CEP85L: variants seen among roughly 807,000 people sequenced by gnomAD.
The protein encoded by CEP85L is centrosomal protein of 85 kDa-like.
In CEP85L, 60 loss-of-function variants were observed where a neutral mutation model predicts 100.3. The observed-to-expected ratio is 0.60, with a 90% CI of 0.49 to 0.74. CEP85L has a LOEUF of 0.74. Among genes scored for constraint, CEP85L ranks in the 30% least tolerant of loss-of-function variants. CEP85L has a pLI of 0.00. For synonymous variants in CEP85L, 319 were observed against 322.7 expected (o/e 0.99, Z 0.12); for missense variants, 973 against 936.2 (o/e 1.04, Z -0.51).
chr6:118,693,783 G>A (rs2114325722), intron 1 of CEP85L, among the ~76,000 whole-genome samples: 1 of 152,340 alleles, frequency 6.6e-6, no homozygotes. Flanking sequence ...TACTGTAGAT[G>A]TGGCTGGCCA....
At chr6:118,511,466 T>G (rs200881212) in intron 4 of CEP85L, 51 bp from the exon 5 acceptor site, 27 of 1,174,366 alleles carry the variant, frequency 2.3e-5, no homozygotes, top group Non-Finnish European at 2.8e-5. Flanking sequence ...TTCTAATAGT[T>G]AGAAGAACCT....
intron 2 of CEP85L, among the ~76,000 whole-genome samples, chr6:118,605,321 A>C (rs1772117717): frequency 6.6e-6 from 1 of 152,212 alleles, no homozygotes; most frequent in Admixed American, 6.5e-5. Context: ...CCTTCATGGA[A>C]GTCTCATCTC....
chr6:118,705,241 C>T (rs189185476), intron 1 of CEP85L, among the ~76,000 whole-genome samples: 2 of 152,200 alleles, frequency 1.3e-5, no homozygotes, highest in Non-Finnish European at 2.9e-5. Flanking sequence ...TCTCTTCATG[C>T]AGCAGAGATG....
At chr6:118,563,669 T>G (rs1249956545) in intron 3 of CEP85L, among the ~76,000 whole-genome samples, 1 of 152,190 alleles carries the variant, frequency 6.6e-6, no homozygotes, top group Admixed American at 6.5e-5. Flanking sequence ...CAGGCTAGTC[T>G]CAAACTCCTG....
intron 2 of CEP85L, among the ~76,000 whole-genome samples, chr6:118,570,364 T>C (rs1210690682): frequency 6.6e-6 from 1 of 152,200 alleles, no homozygotes; most frequent in Non-Finnish European, 1.5e-5. Flanking sequence ...TCACTTTCCA[T>C]ATCACAGCGG....
Position 118,465,176 on chromosome 6 carries a change from C to T in CEP85L, c.*229G>A. The T allele has an allele frequency of 2.2e-6, 1 of 451,614 alleles. No homozygotes were observed. Among genetic ancestry groups the T allele is most frequent in the African/African-American group, 2.0e-5 (1 of 49,718 alleles). 28.0% of individuals were successfully genotyped at this position (451,614 alleles called of 1,614,324 possible). A position where few individuals can be genotyped will look rare whatever the true frequency, so the allele number is the denominator to read the frequency against. ...GTTTGAGAATATAGACATTTTTTTC[C>T]TTGTAGATTTTATCATATTTTCCAA... On this transcript the variant is annotated 3_prime_UTR_variant, in exon 13 of 13. Coordinates refer to ENST00000368491, the MANE Select transcript of CEP85L (RefSeq NM_001042475.3).
chr6:118,631,866 G>C (rs905766358), intron 2 of CEP85L, among the ~76,000 whole-genome samples: 9 of 152,214 alleles, frequency 5.9e-5, no homozygotes, highest in African/African-American at 1.9e-4. Context: ...CTGAATCTCA[G>C]CTCTATCAAT....
intron 10 of CEP85L, among the ~76,000 whole-genome samples, chr6:118,471,819 T>C (rs963585958): frequency 3.3e-5 from 5 of 151,488 alleles, no homozygotes; most frequent in African/African-American, 7.3e-5. Flanking sequence ...ACGTGTATTA[T>C]TGAAAACTGA....
At chr6:118,519,032 C>A (rs539865144) in intron 4 of CEP85L, among the ~76,000 whole-genome samples, 2 of 152,062 alleles carry the variant, frequency 1.3e-5, no homozygotes, top group Admixed American at 1.3e-4. Context: ...TCCATGCAGT[C>A]GTGTGGTTTT....
At chr6:118,593,479 G>C (rs994797483) in intron 2 of CEP85L, among the ~76,000 whole-genome samples, 6 of 151,890 alleles carry the variant, frequency 4.0e-5, no homozygotes, top group African/African-American at 1.5e-4. Context: ...AAGAGAGAGA[G>C]GAGAGAGGTG....
chr6:118,630,056 C>T lies in CEP85L; in HGVS notation c.232+2397G>A, dbSNP rs1366421464. ...GGTTCTGGCCAGTCACCTGAGGATGCAGTTTATGGACTTCTTCCCTACATT... is the reference window on the plus strand; with the variant it reads ...GGTTCTGGCCAGTCACCTGAGGATGTAGTTTATGGACTTCTTCCCTACATT... On this transcript the variant is annotated intron_variant, in intron 2 of 12. Coordinates refer to ENST00000368491, the MANE Select transcript of CEP85L (RefSeq NM_001042475.3). Among the ~76,000 whole-genome samples the T allele has an allele frequency of 3.3e-5, 5 of 152,172 alleles. No homozygotes were observed. In the East Asian group the frequency reaches 9.6e-4, roughly 29 times the overall value.
At chr6:118,543,756 G>A (rs1408694090) in intron 3 of CEP85L, among the ~76,000 whole-genome samples, 1 of 152,208 alleles carries the variant, frequency 6.6e-6, no homozygotes, top group East Asian at 1.9e-4. Flanking sequence ...CAGGAACGAT[G>A]TTTTATGTAA....
At chr6:118,565,371 A>G (rs1432774155) in intron 3 of CEP85L, 158 bp downstream of exon 3, 4 of 697,314 alleles carry the variant, frequency 5.7e-6, no homozygotes, top group South Asian at 2.0e-5. Flanking sequence ...CAAGTTTATC[A>G]ACAACACTTT....
intron 1 of CEP85L, among the ~76,000 whole-genome samples, chr6:118,681,791 C>T (rs1776669977): frequency 6.8e-6 from 1 of 147,822 alleles, no homozygotes; most frequent in Admixed American, 6.8e-5. Context: ...GCTCTGTTGC[C>T]CAGGCTGGAG....
intron 2 of CEP85L, among the ~76,000 whole-genome samples, chr6:118,603,812 A>G (rs1266527961): frequency 6.6e-6 from 1 of 152,226 alleles, no homozygotes; most frequent in Non-Finnish European, 1.5e-5. Flanking sequence ...AATACCTGCT[A>G]GAGTTCTATA....
intron 4 of CEP85L, among the ~76,000 whole-genome samples, chr6:118,521,001 A>ATAATCC (rs1776633513): frequency 6.6e-6 from 1 of 152,202 alleles, no homozygotes; most frequent in Admixed American, 6.5e-5. Context: ...CCTCCTATGA[A>ATAATCC]AGTTATACGC....
At chr6:118,529,243 C>T (rs1777144408) in intron 3 of CEP85L, among the ~76,000 whole-genome samples, 1 of 152,112 alleles carries the variant, frequency 6.6e-6, no homozygotes, top group Non-Finnish European at 1.5e-5. Context: ...ATTTATAAGA[C>T]AAAATTATCT....
intron 2 of CEP85L, among the ~76,000 whole-genome samples, chr6:118,607,815 G>C (rs1349658857): frequency 6.6e-6 from 1 of 151,968 alleles, no homozygotes; most frequent in Non-Finnish European, 1.5e-5. Context: ...CCCTTTTGTG[G>C]TTCATGAGAA....
At chr6:118,558,748 A>G (rs537693168) in intron 3 of CEP85L, 2 of 647,802 alleles carry the variant, frequency 3.1e-6, no homozygotes, top group Non-Finnish European at 5.5e-6. Flanking sequence ...AAGATGAATT[A>G]GTGTAAAATT....
Sources: allele counts gnomAD v4.1 joint callset (sites outside exome capture counted in the v4.1 genomes callset), GRCh38; gene constraint gnomAD v4.1.1; transcripts MANE v1.5; gene names NCBI Gene and HGNC (gene_info 2026-07-23, HGNC 2026-07-21).